The following CPS1 variants were observed in gnomAD, a reference collection of about 807,000 sequenced individuals.
CPS1 encodes the protein carbamoyl-phosphate synthase 1, also known as carbamoyl-phosphate synthase [ammonia], mitochondrial.
In CPS1, 109 loss-of-function variants were observed where a neutral mutation model predicts 174.6. The observed-to-expected ratio is 0.62, with a 90% CI of 0.53 to 0.73. The LOEUF is 0.73. CPS1 is among the 30% of genes least tolerant of loss of function. The pLI is 0.00. For missense variants in CPS1, 1,689 were observed against 1,821.9 expected (o/e 0.93, Z 1.33); for synonymous variants, 637 against 632.0 (o/e 1.01, Z -0.12).
In CPS1 at chr2:210,642,736, C is replaced by T. The variant is rs903677646; in HGVS notation, c.3141+71C>T. On this transcript the variant is annotated intron_variant, in intron 25 of 37. Transcript: ENST00000233072. The stretch of plus-strand genomic sequence containing the variant: ...ATGTAGTATACACTTTATATATATG[C>T]ATTCTGGTATATAGATGTATATAGT... 5 of 1,329,806 alleles carry T rather than the reference C, an allele frequency of 3.8e-6. No individual in the cohort carries two copies. The African/African-American group carries it at 5.9e-5, about 16-fold the overall frequency. The allele number at this position is 1,329,806 out of a possible 1,614,324, so 82.4% of individuals were successfully genotyped here. A position where few individuals can be genotyped will look rare whatever the true frequency, so the allele number is the denominator to read the frequency against.
chr2:210,633,608 T>A (rs7568329), intron 21 of CPS1, among the ~76,000 whole-genome samples: 46,986 of 152,086 alleles, frequency 0.31, 7,849 homozygotes, highest in Middle Eastern at 0.42. Context: ...ATTTATTGCA[T>A]CCCTAATAGA....
In CPS1 at chr2:210,579,710, A is replaced by G. The variant is rs1270772180; in HGVS notation, c.472-4A>G. 13 of 1,611,996 alleles carry G rather than the reference A, an allele frequency of 8.1e-6. No homozygotes were observed. The highest frequency in any genetic ancestry group is 1.1e-5 in the Non-Finnish European group (13 of 1,178,534). On this transcript the variant is annotated splice_region_variant and splice_polypyrimidine_tract_variant and intron_variant, in intron 4 of 37. Transcript: ENST00000233072. ...TCACTGTCACTACAATTTTTTTCTT[A>G]TAGGTTCCTGCAATTTATGGAGTGG... is the stretch of plus-strand genomic sequence containing the variant.
intron 9 of CPS1, among the ~76,000 whole-genome samples, chr2:210,591,262 G>T (rs960572298): frequency 3.9e-5 from 6 of 151,930 alleles, no homozygotes; most frequent in Non-Finnish European, 8.8e-5. Flanking sequence ...AAGGGAAATT[G>T]TTCTGATTTT....
intron 21 of CPS1, chr2:210,619,088 G>C (rs890699636): frequency 6.6e-6 from 1 of 151,996 alleles, no homozygotes; most frequent in Non-Finnish European, 1.5e-5. Context: ...CCAATGTACC[G>C]CACTCCCTTT....
chr2:210,583,009 A>G (rs1697979039), intron 6 of CPS1, among the ~76,000 whole-genome samples: 1 of 152,092 alleles, frequency 6.6e-6, no homozygotes, highest in Non-Finnish European at 1.5e-5. Context: ...AAATAAAGGA[A>G]GCACTGAATT....
rs1039321380 is a variant in CPS1, at chr2:210,639,152, T to G, written c.2832T>G (p.Ile944Met). 3 of 1,611,368 alleles carry G rather than the reference T, an allele frequency of 1.9e-6. No homozygotes were observed. The African/African-American group carries it at 4.0e-5, about 21-fold the overall frequency. Residue 944 changes from isoleucine (I) to methionine (M), a missense_variant and splice_region_variant, in exon 23 of 38, where the codon ATT (isoleucine) becomes ATG (methionine). Transcript: ENST00000233072. ...KKNIHPWVKQ[I>M]DTLAAEYPSV... is the part of the protein sequence containing the mutation. ...ATTTTATTTGTTTTCTCTTACAGAT[T>G]GATACACTGGCTGCAGAATACCCAT... is the stretch of plus-strand genomic sequence containing the variant.
At chr2:210,622,785 C>G (rs769582260) in intron 21 of CPS1, among the ~76,000 whole-genome samples, 1 of 148,574 alleles carries the variant, frequency 6.7e-6, no homozygotes, top group Non-Finnish European at 1.5e-5. Flanking sequence ...AAAAAAGACA[C>G]ATGAACAGGC....
At chr2:210,554,147 A>G (rs138740680), upstream of CPS1, among the ~76,000 whole-genome samples, 2,794 of 140,196 alleles carry the variant, frequency 0.02, 115 homozygotes, top group Middle Eastern at 0.034. Context: ...ATATATATGT[A>G]TATATACACA....
rs1698039422 is a variant in CPS1, at chr2:210,584,486, C to T, written c.621+1777C>T. Reference sequence around the variant, plus strand: ...ATTTGATTTTAAATAGATGTATTCACCACAACATTTTATTTCTAGATATAA... The same window carrying T: ...ATTTGATTTTAAATAGATGTATTCATCACAACATTTTATTTCTAGATATAA... On this transcript the variant is annotated intron_variant, in intron 6 of 37. Transcript: ENST00000233072. Among the ~76,000 whole-genome samples, 3 of 152,098 alleles carry T rather than the reference C, an allele frequency of 2.0e-5. No homozygotes were observed. The South Asian group carries it at 6.2e-4, about 32-fold the overall frequency.
intron 28 of CPS1, among the ~76,000 whole-genome samples, chr2:210,651,345 T>C (rs1700553113): frequency 6.6e-6 from 1 of 152,154 alleles, no homozygotes; most frequent in African/African-American, 2.4e-5. Context: ...TAAGAGTAGA[T>C]AAGAATAAAG....
chr2:210,651,448 T>C (rs1700555221), intron 28 of CPS1, among the ~76,000 whole-genome samples: 1 of 152,186 alleles, frequency 6.6e-6, no homozygotes, highest in African/African-American at 2.4e-5. Flanking sequence ...AGGGAATCTT[T>C]CCAGTGGGCC....
chr2:210,666,082 A>G (rs1429833675), intron 33 of CPS1, among the ~76,000 whole-genome samples: 5 of 151,804 alleles, frequency 3.3e-5, no homozygotes, highest in African/African-American at 1.2e-4. Context: ...GCCAGTGATG[A>G]TGAGCATTTT....
intron 7 of CPS1, among the ~76,000 whole-genome samples, chr2:210,589,824 T>G (rs2106106885): frequency 6.6e-6 from 1 of 151,942 alleles, no homozygotes; most frequent in East Asian, 2.0e-4. Flanking sequence ...TTGTTTTATC[T>G]TTTTTGGTAG....
At chr2:210,561,158 C>T (rs562299085) in intron 1 of CPS1, among the ~76,000 whole-genome samples, 1 of 152,242 alleles carries the variant, frequency 6.6e-6, no homozygotes, top group African/African-American at 2.4e-5. Flanking sequence ...AGCTTCTTGA[C>T]ATAAAACTCT....
rs1009339578 is a variant in CPS1, at chr2:210,658,835, A to G, written c.3756+147A>G. 2.7e-5 allele frequency: 19 copies of G among 692,008 alleles called. No homozygotes were observed. In the Middle Eastern group the frequency reaches 9.5e-4, roughly 35 times the overall value. The allele number at this position is 692,008 out of a possible 1,614,324, so 42.9% of individuals were successfully genotyped here. On this transcript the variant is annotated intron_variant, in intron 31 of 37. Coordinates refer to ENST00000233072, the MANE Select transcript of CPS1 (RefSeq NM_001875.5). ...TTTGTGTCTGAGTGTGGAATGATGCATAGCATATAATGTCTACCTTATTTG... is the reference window on the plus strand; with the variant it reads ...TTTGTGTCTGAGTGTGGAATGATGCGTAGCATATAATGTCTACCTTATTTG...
intron 1 of CPS1, among the ~76,000 whole-genome samples, chr2:210,511,181 C>A (rs1695479266): frequency 6.6e-6 from 1 of 151,684 alleles, no homozygotes; most frequent in African/African-American, 2.4e-5. Flanking sequence ...CACATATACA[C>A]CATGGAATAC....
intron 26 of CPS1, among the ~76,000 whole-genome samples, 163 bp downstream of exon 26, chr2:210,648,220 C>A (rs1011126483): frequency 6.6e-6 from 1 of 152,132 alleles, no homozygotes; most frequent in Non-Finnish European, 1.5e-5. Flanking sequence ...GCAGTTAATG[C>A]TGATTATGAG....
chr2:210,665,329 TTTA>T (rs1424399673), intron 33 of CPS1, among the ~76,000 whole-genome samples: 1 of 152,032 alleles, frequency 6.6e-6, no homozygotes, highest in Non-Finnish European at 1.5e-5. Flanking sequence ...TTTTTTCTTT[TTTA>T]TTATTATTAT....
At chr2:210,620,563 C>T (rs967168471) in intron 21 of CPS1, among the ~76,000 whole-genome samples, 3 of 152,058 alleles carry the variant, frequency 2.0e-5, no homozygotes, top group African/African-American at 4.8e-5. Context: ...GTGCTAGCAT[C>T]TGCTTGGCTT....
Sources: gnomAD v4.1 joint callset for allele counts (sites outside exome capture counted in the v4.1 genomes callset) on GRCh38, gnomAD v4.1.1 for gene constraint, MANE v1.5 for transcripts, NCBI Gene and HGNC (gene_info 2026-07-23, HGNC 2026-07-21) for gene names.